XKR3: variants seen among roughly 807,000 people sequenced by gnomAD.
The protein encoded by XKR3 is XK-related protein 3.
In XKR3, 27 loss-of-function variants were observed where a neutral mutation model predicts 40.3. The observed-to-expected ratio is 0.67, with a 90% confidence interval of 0.49 to 0.92. The LOEUF is 0.92. Among genes scored for constraint, XKR3 ranks in the 40% least tolerant of loss-of-function variants. The pLI is 0.00. For missense variants in XKR3, 472 were observed against 537.6 expected (o/e 0.88, Z 1.21); for synonymous variants, 193 against 195.4 (o/e 0.99, Z 0.10).
intron 1 of XKR3, among the ~76,000 whole-genome samples, chr22:16,817,123 T>A (rs1284258400): frequency 6.6e-6 from 1 of 151,912 alleles, no homozygotes; most frequent in Admixed American, 6.6e-5. Flanking sequence ...GAAACAAAAA[T>A]TTGTTTGACT....
chr22:16,805,059 T>C (rs2385714), intron 2 of XKR3, among the ~76,000 whole-genome samples: 40,033 of 152,032 alleles, frequency 0.26, 6,577 homozygotes, highest in Non-Finnish European at 0.36. Flanking sequence ...AATATAGTAC[T>C]AGAGGTTCTA....
chr22:16,802,546 G>C (rs2060173739), intron 2 of XKR3, among the ~76,000 whole-genome samples: 1 of 151,712 alleles, frequency 6.6e-6, no homozygotes, highest in Admixed American at 6.6e-5. Context: ...CTGGAGTACA[G>C]TGGCGTGATA....
rs188618043 is a variant in XKR3 at position 16,808,100 on chromosome 22, G to A, written c.-10-17C>T. 16 of 1,546,706 alleles carry A rather than the reference G, an allele frequency of 1.0e-5. No individual in the cohort carries two copies. Among genetic ancestry groups the A allele is most frequent in the African/African-American group, 1.4e-5 (1 of 72,542 alleles). On this transcript the variant is annotated splice_polypyrimidine_tract_variant and intron_variant, in intron 1 of 3. Coordinates refer to ENST00000684488, the MANE Select transcript of XKR3 (RefSeq NM_001386955.1). ...CTCAGGGTGCTGCTAATTCAAAGTC[G>A]TCTTGTCAGTGAATCCAGTAGAGTT...
intron 3 of XKR3, among the ~76,000 whole-genome samples, chr22:16,788,963 A>G (rs1420312304): frequency 6.6e-6 from 1 of 152,188 alleles, no homozygotes; most frequent in Non-Finnish European, 1.5e-5. Context: ...AAAATCTCTC[A>G]ACAAATTATG....
intron 1 of XKR3, among the ~76,000 whole-genome samples, chr22:16,808,616 C>T (rs561007434): frequency 1.3e-5 from 2 of 152,264 alleles, no homozygotes; most frequent in African/African-American, 4.8e-5. Context: ...CTTGACTGAA[C>T]TTAACTCTAT....
chr22:16,790,413 T>G (rs2060110358), intron 3 of XKR3, among the ~76,000 whole-genome samples: 1 of 149,228 alleles, frequency 6.7e-6, no homozygotes, highest in African/African-American at 2.4e-5. Flanking sequence ...GACAAGGGGT[T>G]AATTAAAATA....
Position 16,784,187 on chromosome 22 carries a change from A to G in XKR3, c.812T>C (p.Ile271Thr), listed in dbSNP as rs2060079146. 6.2e-7 allele frequency: 1 copy of G among 1,614,262 alleles called. No individual in the cohort carries two copies. The highest frequency in any genetic ancestry group is 8.5e-7 in the Non-Finnish European group (1 of 1,180,054). Residue 271 changes from isoleucine to threonine, a missense_variant, in exon 4 of 4, where the codon ATA becomes ACA. Physicochemically the swap from Ile to Thr is moderately conservative, Grantham distance 89. Coordinates refer to ENST00000684488, the MANE Select transcript of XKR3 (RefSeq NM_001386955.1). Reference sequence around the variant, plus strand: ...CGGTGCCAACAATGATACAAAATATATGATTAACAAAACGGGTAGGCTCTT... The same window carrying G: ...CGGTGCCAACAATGATACAAAATATGTGATTAACAAAACGGGTAGGCTCTT... ...KLKSLPVLLI[I>T]YFVSLLAPWL...
intron 3 of XKR3, among the ~76,000 whole-genome samples, chr22:16,787,958 A>G (rs2060097729): frequency 6.6e-6 from 1 of 152,222 alleles, no homozygotes; most frequent in East Asian, 1.9e-4. Context: ...GTAAGTAAAC[A>G]TCAGATTAAA....
Position 16,783,982 on chromosome 22 carries a change from C to G in XKR3, c.1017G>C (p.Gln339His). The G allele has an allele frequency of 5.0e-6, 8 of 1,614,214 alleles. No homozygotes were observed. Among genetic ancestry groups the G allele is most frequent in the Non-Finnish European group, 6.8e-6 (8 of 1,180,044 alleles). Reference protein sequence around the residue: ...LSDDKIIDGRQRWGHRILHYS... With the variant: ...LSDDKIIDGRHRWGHRILHYS... ...AGTGTAGGATTCTATGGCCCCACCT[C>G]TGTCTCCCGTCAATTATTTTGTCAT... The change falls in exon 4 of 4, where the codon CAG (glutamine) becomes CAC (histidine). Residue 339 changes from glutamine (Q) to histidine (H), a missense_variant. Physicochemically the swap from Gln to His is conservative, Grantham distance 24. Coordinates refer to ENST00000684488, the MANE Select transcript of XKR3 (RefSeq NM_001386955.1).
At chr22:16,800,548 G>A (rs2060164604) in intron 2 of XKR3, among the ~76,000 whole-genome samples, 1 of 152,136 alleles carries the variant, frequency 6.6e-6, no homozygotes, top group South Asian at 2.1e-4. Flanking sequence ...CTCTAGTGAT[G>A]AAATTTAGCT....
intron 2 of XKR3, among the ~76,000 whole-genome samples, chr22:16,800,947 A>G (rs2060166132): frequency 1.3e-5 from 2 of 152,170 alleles, no homozygotes; most frequent in South Asian, 2.1e-4. Context: ...AATATAAAAA[A>G]CACTGGGTAA....
intron 1 of XKR3, among the ~76,000 whole-genome samples, chr22:16,822,554 A>T (rs1000859585): frequency 1.3e-5 from 2 of 152,176 alleles, no homozygotes; most frequent in African/African-American, 4.8e-5. Context: ...AAATCCAGTT[A>T]TATGTTGTCT....
chr22:16,787,575 A>T (rs2060095948), intron 3 of XKR3, among the ~76,000 whole-genome samples: 1 of 152,026 alleles, frequency 6.6e-6, no homozygotes, highest in African/African-American at 2.4e-5. Context: ...AAAAAAAAAA[A>T]AAATAAGCGT....
At chr22:16,805,660 TAATTA>T (rs1479630027) in intron 2 of XKR3, among the ~76,000 whole-genome samples, 2 of 152,222 alleles carry the variant, frequency 1.3e-5, no homozygotes, top group African/African-American at 2.4e-5. Context: ...ATTATCAACT[TAATTA>T]ATTTGTTAAT....
chr22:16,813,816 C>T (rs2060222575), intron 1 of XKR3, among the ~76,000 whole-genome samples: 2 of 152,112 alleles, frequency 1.3e-5, no homozygotes, highest in South Asian at 4.1e-4. Context: ...CCAATTTTTC[C>T]ATATATTCAC....
chr22:16,814,040 C>T (rs1464602694), intron 1 of XKR3, among the ~76,000 whole-genome samples: 2 of 152,122 alleles, frequency 1.3e-5, no homozygotes, highest in African/African-American at 4.8e-5. Flanking sequence ...AGTTTAATTT[C>T]AATGAAGTTC....
intron 1 of XKR3, among the ~76,000 whole-genome samples, chr22:16,823,125 C>A (rs1228654374): frequency 6.6e-6 from 1 of 152,180 alleles, no homozygotes; most frequent in Non-Finnish European, 1.5e-5. Context: ...GATCCACCTG[C>A]CTCAGCCTTC....
chr22:16,785,212 G>A (rs1310969579), intron 3 of XKR3, among the ~76,000 whole-genome samples: 1 of 152,076 alleles, frequency 6.6e-6, no homozygotes, highest in Non-Finnish European at 1.5e-5. Flanking sequence ...AGCTACTCGG[G>A]AGGCTGAGGA....
At chr22:16,811,811 A>C (rs2060214053) in intron 1 of XKR3, among the ~76,000 whole-genome samples, 1 of 152,102 alleles carries the variant, frequency 6.6e-6, no homozygotes, top group Non-Finnish European at 1.5e-5. Context: ...GATGGAGACC[A>C]TCCTGGCTAA....
Sources: allele counts gnomAD v4.1 joint callset (sites outside exome capture counted in the v4.1 genomes callset), GRCh38; gene constraint gnomAD v4.1.1; transcripts MANE v1.5; gene names NCBI Gene and HGNC (gene_info 2026-07-23, HGNC 2026-07-21).